Variants in VTI1A observed in about 807,000 individuals in gnomAD.
The protein encoded by VTI1A is vesicle transport through interaction with t-SNAREs homolog 1A.
A neutral mutation model predicts 34.9 loss-of-function variants in VTI1A; 22 were observed. The ratio of observed to expected loss-of-function variants is 0.63; its 90% CI spans 0.45 to 0.90. VTI1A has a LOEUF of 0.90. Ranked by LOEUF, VTI1A falls within the 40% of genes least tolerant of loss-of-function variation. The probability of loss-of-function intolerance (pLI) is 0.00; values close to 1 mark genes in which losing one functional copy is unlikely to be tolerated. For synonymous variants in VTI1A, 87 were observed against 97.3 expected, an observed-to-expected ratio of 0.89 and a Z score of 0.62; for missense variants, 268 against 275.6, an observed-to-expected ratio of 0.97 and a Z score of 0.20.
chr10:112,820,123 G>C (rs1173507883), downstream of VTI1A, among the ~76,000 whole-genome samples: 3 of 152,224 alleles, frequency 2.0e-5, no homozygotes, highest in Non-Finnish European at 2.9e-5. Flanking sequence ...GGTTACTATG[G>C]GCGTAGGAAC....
chr10:112,545,994 G>A (rs551898046), intron 5 of VTI1A, among the ~76,000 whole-genome samples: 4 of 143,246 alleles, frequency 2.8e-5, no homozygotes, highest in Non-Finnish European at 6.0e-5. Context: ...GTGTATATAC[G>A]TGTATACGCG....
At chr10:112,519,194 C>T (rs780155205) in intron 3 of VTI1A, among the ~76,000 whole-genome samples, 1 of 152,076 alleles carries the variant, frequency 6.6e-6, no homozygotes, top group Non-Finnish European at 1.5e-5. Context: ...TGATTCCAAT[C>T]TAGAATTTTG....
chr10:112,741,092 A>ATAAC (rs1564907599), intron 7 of VTI1A, among the ~76,000 whole-genome samples: 1 of 152,138 alleles, frequency 6.6e-6, no homozygotes, highest in East Asian at 1.9e-4. Flanking sequence ...AATGTCTGGA[A>ATAAC]TAACTAATCT....
chr10:112,617,452 G>A (rs1162798950), intron 5 of VTI1A, among the ~76,000 whole-genome samples: 1 of 151,918 alleles, frequency 6.6e-6, no homozygotes, highest in Non-Finnish European at 1.5e-5. Flanking sequence ...AACTGAATGA[G>A]AAATTACTAA....
At chr10:112,723,900 G>A (rs1849906972) in intron 7 of VTI1A, among the ~76,000 whole-genome samples, 1 of 152,214 alleles carries the variant, frequency 6.6e-6, no homozygotes, top group Admixed American at 6.5e-5. Flanking sequence ...CTAGCACACA[G>A]ATTCTATCAA....
chr10:112,540,686 T>C (rs566704327), intron 5 of VTI1A, among the ~76,000 whole-genome samples: 1 of 152,350 alleles, frequency 6.6e-6, no homozygotes, highest in South Asian at 2.1e-4. Context: ...TATTTCCTGC[T>C]TCCCTACTGG....
At chr10:112,849,951 G>A in the VTI1A span, among the ~76,000 whole-genome samples, 1 of 152,180 alleles carries the variant, frequency 6.6e-6, no homozygotes, top group Non-Finnish European at 1.5e-5. Context: ...GGCTCCCCCG[G>A]AAGGCGTCCC....
chr10:112,462,837 G>A (rs866577126), intron 2 of VTI1A, among the ~76,000 whole-genome samples: 5 of 152,324 alleles, frequency 3.3e-5, no homozygotes, highest in Middle Eastern at 3.4e-3. Flanking sequence ...CTACATGGCA[G>A]CATTTTTGCA....
chr10:112,464,522 T>A (rs778153944), intron 2 of VTI1A, 25 bp from the exon 3 acceptor site: 3 of 1,580,374 alleles, frequency 1.9e-6, no homozygotes, highest in Non-Finnish European at 2.6e-6. Context: ...GTGTTTTAAA[T>A]CACATTTTTC....
chr10:112,527,334 T>G, intron 4 of VTI1A, 170 bp downstream of exon 4: 1 of 503,064 alleles, frequency 2.0e-6, no homozygotes, highest in Non-Finnish European at 3.5e-6. Flanking sequence ...TTCTTGGAGA[T>G]CTTACATTTA....
chr10:112,781,222 G>C (rs1852115850), intron 7 of VTI1A, among the ~76,000 whole-genome samples: 2 of 152,040 alleles, frequency 1.3e-5, no homozygotes. Context: ...TGGGATTACA[G>C]GCATGAGCCA....
intron 7 of VTI1A, among the ~76,000 whole-genome samples, chr10:112,707,677 T>G (rs192415979): frequency 6.6e-6 from 1 of 152,350 alleles, no homozygotes; most frequent in Admixed American, 6.5e-5. Context: ...CTCCCTTTTA[T>G]GTATATTTTA....
intron 7 of VTI1A, among the ~76,000 whole-genome samples, chr10:112,744,678 TAAG>T (rs1850827933): frequency 6.6e-6 from 1 of 152,042 alleles, no homozygotes; most frequent in Non-Finnish European, 1.5e-5. Context: ...CTCCTGGGTT[TAAG>T]CAATCCTCCC....
At chr10:112,602,299 T>G (rs142134337) in intron 5 of VTI1A, among the ~76,000 whole-genome samples, 1 of 152,350 alleles carries the variant, frequency 6.6e-6, no homozygotes, top group East Asian at 1.9e-4. Context: ...GAAAAAATTT[T>G]TTTTATCAAA....
In VTI1A at chr10:112,811,712, A is replaced by AAAAAAAAT. The variant is rs67154330; in HGVS notation, c.561-3578_561-3577insAAAAAAAT. On this transcript the variant is annotated intron_variant, in intron 7 of 7. Coordinates refer to ENST00000393077, the MANE Select transcript of VTI1A (RefSeq NM_145206.4). The stretch of plus-strand genomic sequence containing the variant: ...AAAAAAAAAAAAAAAAAAAAAAAAA[A>AAAAAAAAT]GAGTGCAGTCCATGCCTGGAAGTAG... Among the ~76,000 whole-genome samples, 12 of 84,044 alleles carry AAAAAAAAT rather than the reference A, an allele frequency of 1.4e-4. 5 individuals carry two copies. The highest frequency in any genetic ancestry group is 7.1e-4 in the East Asian group (2 of 2,814). The allele number at this position is 84,044 out of a possible 152,430, so 55.1% of individuals were successfully genotyped here. A position where few individuals can be genotyped will look rare whatever the true frequency, so the allele number is the denominator to read the frequency against.
rs114620866 is a variant in VTI1A, at chr10:112,623,401, A to G, written c.428-44817A>G. Reference sequence around the variant, plus strand: ...TGTGTGTATGTATATATACGTAGATATATTTTTCTTTCTTCTAAACAGTAT... The same window carrying G: ...TGTGTGTATGTATATATACGTAGATGTATTTTTCTTTCTTCTAAACAGTAT... On this transcript the variant is annotated intron_variant, in intron 5 of 7. Coordinates refer to ENST00000393077, the MANE Select transcript of VTI1A (RefSeq NM_145206.4). 4.9e-3 allele frequency among the ~76,000 whole-genome samples: 732 copies of G among 150,834 alleles called. 7 individuals are homozygous for G. The highest frequency in any genetic ancestry group is 0.017 in the African/African-American group (699 of 40,986).
At chr10:112,612,276 A>T (rs905774202) in intron 5 of VTI1A, among the ~76,000 whole-genome samples, 2 of 152,160 alleles carry the variant, frequency 1.3e-5, no homozygotes, top group Non-Finnish European at 2.9e-5. Flanking sequence ...TTTAATTAAG[A>T]TTGGTAGAAA....
chr10:112,687,843 T>C (rs1848474645), intron 7 of VTI1A, among the ~76,000 whole-genome samples: 1 of 151,930 alleles, frequency 6.6e-6, no homozygotes, highest in Non-Finnish European at 1.5e-5. Flanking sequence ...GGCAGGGTAC[T>C]GCAGAACATC....
chr10:112,483,936 C>T (rs1276879874), intron 3 of VTI1A, among the ~76,000 whole-genome samples: 1 of 152,178 alleles, frequency 6.6e-6, no homozygotes, highest in Non-Finnish European at 1.5e-5. Context: ...TAATTTGGAT[C>T]CAGGACTAGA....
Sources: allele counts gnomAD v4.1 joint callset (sites outside exome capture counted in the v4.1 genomes callset), GRCh38; gene constraint gnomAD v4.1.1; transcripts MANE v1.5; gene names NCBI Gene and HGNC (gene_info 2026-07-23, HGNC 2026-07-21).